The following EIF2AK4 variants were observed in gnomAD, a reference collection of about 807,000 sequenced individuals.
EIF2AK4 encodes eIF-2-alpha kinase GCN2.
In EIF2AK4, 139 loss-of-function variants were observed where a neutral mutation model predicts 211.1. The ratio of observed to expected loss-of-function variants is 0.66; its 90% CI spans 0.57 to 0.76. The LOEUF is 0.76. EIF2AK4 is among the 30% of genes least tolerant of loss of function. The pLI is 0.00. For missense variants in EIF2AK4, 1,664 were observed against 2,043.8 expected (o/e 0.81, Z 3.58); for synonymous variants, 710 against 751.3 (o/e 0.94, Z 0.90).
At chr15:39,996,241 A>G (rs1215692693) in intron 18 of EIF2AK4, among the ~76,000 whole-genome samples, 1 of 152,178 alleles carries the variant, frequency 6.6e-6, no homozygotes, top group Admixed American at 6.5e-5. Flanking sequence ...GGCCTTTTCT[A>G]TCAGCCGCAG....
intron 6 of EIF2AK4, among the ~76,000 whole-genome samples, chr15:39,955,996 C>T (rs2034386128): frequency 6.9e-6 from 1 of 144,758 alleles, no homozygotes; most frequent in Non-Finnish European, 1.5e-5. Context: ...AGTTTTGTTG[C>T]TCATTCCCTT....
chr15:39,988,568 G>A (rs2034898568), intron 15 of EIF2AK4, among the ~76,000 whole-genome samples: 1 of 152,074 alleles, frequency 6.6e-6, no homozygotes, highest in African/African-American at 2.4e-5. Flanking sequence ...TTCCATACCA[G>A]CAGATTTGAG....
rs542655852 is a variant in EIF2AK4 at position 39,949,357 on chromosome 15, T to G, written c.513+89T>G. ...TTTTATCTGTCTCTGCCTACAAACT[T>G]ATCTTTAAGTTTTGCTCAGCCTTTG... On this transcript the variant is annotated intron_variant, in intron 4 of 38. Coordinates refer to ENST00000263791, the MANE Select transcript of EIF2AK4 (RefSeq NM_001013703.4). 1.7e-4 allele frequency: 266 copies of G among 1,523,542 alleles called. 2 individuals carry two copies. Among genetic ancestry groups the G allele is most frequent in the Non-Finnish European group, 1.1e-5 (13 of 1,131,022 alleles). 94.4% of individuals were successfully genotyped at this position (1,523,542 alleles called of 1,614,324 possible). A position where few individuals can be genotyped will look rare whatever the true frequency, so the allele number is the denominator to read the frequency against.
In EIF2AK4 at chr15:40,015,957, G is replaced by A. The variant is rs2035297855; in HGVS notation, c.3760-545G>A. On this transcript the variant is annotated intron_variant, in intron 27 of 38. Coordinates refer to ENST00000263791, the MANE Select transcript of EIF2AK4 (RefSeq NM_001013703.4). ...GGGGCAGTCTATGAGTACAGCTGGTGACAGCCAGGATCTGGCATCCAGGTG... is the reference window on the plus strand; with the variant it reads ...GGGGCAGTCTATGAGTACAGCTGGTAACAGCCAGGATCTGGCATCCAGGTG... Among the ~76,000 whole-genome samples, 3 of 152,240 alleles carry A rather than the reference G, an allele frequency of 2.0e-5. 1 individual carries two copies. In the South Asian group the frequency reaches 6.2e-4, roughly 32 times the overall value.
chr15:39,983,847 T>C (rs1289982505), intron 13 of EIF2AK4, among the ~76,000 whole-genome samples: 1 of 152,232 alleles, frequency 6.6e-6, no homozygotes, highest in Non-Finnish European at 1.5e-5. Context: ...CAGAGGCTCT[T>C]TAGTTTAATT....
intron 6 of EIF2AK4, 117 bp downstream of exon 6, chr15:39,955,885 A>T: frequency 7.2e-6 from 8 of 1,105,564 alleles, no homozygotes; most frequent in Non-Finnish European, 9.9e-6. Context: ...AACTTTTTTC[A>T]AACCTTATAT....
At chr15:39,977,911 G>C (rs981980895) in intron 12 of EIF2AK4, 167 bp from the exon 13 acceptor site, 9 of 397,996 alleles carry the variant, frequency 2.3e-5, no homozygotes, top group Admixed American at 1.3e-4. Context: ...TCTGTGTTTT[G>C]CATAATAGCA....
Position 39,976,694 on chromosome 15 carries a change from C to T in EIF2AK4, c.2099C>T (p.Ala700Val), listed in dbSNP as rs1461152664. Residue 700 changes from alanine (A) to valine (V), a missense_variant, in exon 12 of 39, where the codon GCG becomes GTG. Ala to Val is a moderately conservative substitution (Grantham distance 64). Coordinates refer to ENST00000263791, the MANE Select transcript of EIF2AK4 (RefSeq NM_001013703.4). ...GGCCTGGACAGCGTAGAGGCCGCCG[C>T]GCCGCCACCCATCCTCAGCAGCTCG... ...TDGLDSVEAAAPPPILSSSVE... is the reference protein window; with the variant it reads ...TDGLDSVEAAVPPPILSSSVE... The T allele has an allele frequency of 1.9e-6, 3 of 1,600,882 alleles. No homozygotes were observed. Among genetic ancestry groups the T allele is most frequent in the African/African-American group, 2.7e-5 (2 of 73,912 alleles).
intron 6 of EIF2AK4, among the ~76,000 whole-genome samples, chr15:39,958,825 A>G (rs2034427586): frequency 6.6e-6 from 1 of 152,192 alleles, no homozygotes; most frequent in Non-Finnish European, 1.5e-5. Context: ...TCATAATGGT[A>G]GAGCAATCTT....
intron 37 of EIF2AK4, among the ~76,000 whole-genome samples, chr15:40,033,848 G>A (rs570692338): frequency 1.3e-5 from 2 of 152,146 alleles, no homozygotes; most frequent in East Asian, 1.9e-4. Context: ...CCAACATGGT[G>A]AAACCCCATC....
Position 40,017,166 on chromosome 15 carries a change from A to C in EIF2AK4, c.3989A>C (p.Gln1330Pro). 1 of 1,614,068 alleles carries C rather than the reference A, an allele frequency of 6.2e-7. No homozygotes were observed. The highest frequency in any genetic ancestry group is 8.5e-7 in the Non-Finnish European group (1 of 1,179,950). Residue 1330 changes from glutamine to proline, a missense_variant, in exon 29 of 39, where the codon CAG becomes CCG. Transcript: ENST00000263791. ...CAGCAGCACAATGGAATCATCTTCC[A>C]GTTTGTGGCTTTCATCAAACGAAGG... is the stretch of plus-strand genomic sequence containing the variant. The part of the protein sequence containing the change: ...KVQQHNGIIF[Q>P]FVAFIKRRQR...
At chr15:39,945,243 G>C (rs778783786) in intron 3 of EIF2AK4, among the ~76,000 whole-genome samples, 12 of 151,538 alleles carry the variant, frequency 7.9e-5, no homozygotes, top group Non-Finnish European at 1.6e-4. Context: ...GCCTCCCAAA[G>C]TGCTAGGATT....
At position 39,943,371 on chromosome 15, in the gene EIF2AK4, T is replaced by TTTTG; in HGVS notation, c.258-12_258-11insTTTG. ...TAACTCTTTTTTTTTTTTTTTTTTT[T>TTTTG]GCCTTTTCCAGAGTTCCTGAAATAG... On this transcript the variant is annotated splice_polypyrimidine_tract_variant and intron_variant, in intron 2 of 38. Coordinates refer to ENST00000263791, the MANE Select transcript of EIF2AK4 (RefSeq NM_001013703.4). 1 of 1,179,510 alleles carries TTTTG rather than the reference T, an allele frequency of 8.5e-7. No homozygotes were observed. The highest frequency in any genetic ancestry group is 1.1e-6 in the Non-Finnish European group (1 of 884,184). 73.1% of individuals were successfully genotyped at this position (1,179,510 alleles called of 1,614,324 possible). A position where few individuals can be genotyped will look rare whatever the true frequency, so the allele number is the denominator to read the frequency against.
At chr15:39,981,673 A>G (rs2034789852) in intron 13 of EIF2AK4, among the ~76,000 whole-genome samples, 3 of 152,132 alleles carry the variant, frequency 2.0e-5, no homozygotes, top group Admixed American at 2.0e-4. Flanking sequence ...AAAATTATAA[A>G]TCAGAAATGG....
chr15:39,987,965 T>C lies in EIF2AK4; in HGVS notation c.2404-18T>C, dbSNP rs1237791971. ...AAACTGTTGTGTAATCAAATTCTCC[T>C]GGTTTGTCTGTATATAGATGGAGTA... On this transcript the variant is annotated intron_variant, in intron 14 of 38. Coordinates refer to ENST00000263791, the MANE Select transcript of EIF2AK4 (RefSeq NM_001013703.4). The C allele has an allele frequency of 6.2e-7, 1 of 1,611,772 alleles. No individual in the cohort carries two copies.
chr15:40,019,563 T>C (rs1194112736), intron 30 of EIF2AK4, among the ~76,000 whole-genome samples: 1 of 152,130 alleles, frequency 6.6e-6, no homozygotes, highest in East Asian at 1.9e-4. Context: ...GGCATTAGAT[T>C]CTATAGGAGC....
chr15:39,986,131 T>C (rs1212205747), intron 14 of EIF2AK4, among the ~76,000 whole-genome samples: 2 of 152,244 alleles, frequency 1.3e-5, no homozygotes, highest in Non-Finnish European at 2.9e-5. Flanking sequence ...GTTCACATCC[T>C]GGATCCACCT....
chr15:40,022,662 C>T, intron 32 of EIF2AK4, 57 bp downstream of exon 32: 3 of 1,511,020 alleles, frequency 2.0e-6, no homozygotes, highest in Non-Finnish European at 2.8e-6. Flanking sequence ...TGTGGAGCAC[C>T]TGCCTTCACA....
At chr15:39,976,382 G>A (rs1443144693) in intron 11 of EIF2AK4, 32 bp from the exon 12 acceptor site, 1 of 1,557,826 alleles carries the variant, frequency 6.4e-7, no homozygotes, top group Non-Finnish European at 8.7e-7. Flanking sequence ...GCAAGGCTCC[G>A]AGCGGCTGAC....
Sources: allele counts gnomAD v4.1 joint callset (sites outside exome capture counted in the v4.1 genomes callset), GRCh38; gene constraint gnomAD v4.1.1; transcripts MANE v1.5; gene names NCBI Gene and HGNC (gene_info 2026-07-23, HGNC 2026-07-21).